IQSEC1: variants seen among roughly 807,000 people sequenced by gnomAD.
IQSEC1 encodes the protein IQ motif and SEC7 domain-containing protein 1.
IQSEC1 carries 31 observed loss-of-function variants against 91.0 expected under a neutral mutation model. The ratio of observed to expected loss-of-function variants is 0.34; its 90% CI spans 0.26 to 0.46. The LOEUF (loss-of-function observed/expected upper bound fraction) is 0.46. IQSEC1 is among the 20% of genes least tolerant of loss of function. The probability of loss-of-function intolerance (pLI) is 1.00; values close to 1 mark genes in which losing one functional copy is unlikely to be tolerated. For missense variants in IQSEC1, 1,388 were observed against 1,575.6 expected (o/e 0.88, Z 2.02); for synonymous variants, 699 against 662.6 (o/e 1.05, Z -0.84).
chr3:13,034,412 G>T (rs1305723284), intron 1 of IQSEC1, among the ~76,000 whole-genome samples: 1 of 152,224 alleles, frequency 6.6e-6, no homozygotes. Flanking sequence ...TTGACCCAGC[G>T]AGAACGTTTC....
chr3:13,109,259 C>A (rs1415680264), intron 2 of IQSEC1, among the ~76,000 whole-genome samples: 1 of 152,182 alleles, frequency 6.6e-6, no homozygotes, highest in Non-Finnish European at 1.5e-5. Context: ...CCCCCCTCCT[C>A]CCTCCCATTC....
intron 1 of IQSEC1, among the ~76,000 whole-genome samples, chr3:13,174,117 G>A (rs1693671964): frequency 6.6e-6 from 1 of 152,188 alleles, no homozygotes; most frequent in South Asian, 2.1e-4. Context: ...CAGGCTCTGG[G>A]TGCTCCTGGG....
intron 1 of IQSEC1, among the ~76,000 whole-genome samples, chr3:13,030,844 CG>C (rs1474566602): frequency 1.3e-5 from 2 of 152,252 alleles, no homozygotes; most frequent in East Asian, 3.8e-4. Flanking sequence ...AGCTGTGCCA[CG>C]CAGGCGTGGG....
At chr3:13,105,408 C>T (rs1706137705) in intron 2 of IQSEC1, among the ~76,000 whole-genome samples, 2 of 152,158 alleles carry the variant, frequency 1.3e-5, no homozygotes, top group African/African-American at 2.4e-5. Context: ...AGACAGATGC[C>T]GCTCAGGGAC....
At chr3:12,987,442 CAGAGAG>C (rs774039983) in intron 1 of IQSEC1, among the ~76,000 whole-genome samples, 1 of 150,506 alleles carries the variant, frequency 6.6e-6, no homozygotes, top group African/African-American at 2.4e-5. Flanking sequence ...GTGCATGTGT[CAGAGAG>C]AGAGAGAGAG....
intron 1 of IQSEC1, among the ~76,000 whole-genome samples, chr3:13,032,729 G>A (rs370145002): frequency 1.8e-4 from 28 of 152,106 alleles, no homozygotes; most frequent in Middle Eastern, 3.4e-3. Context: ...GACTACAGGC[G>A]CCCGCCACCA....
At chr3:13,000,948 C>CTTTT (rs10553726) in intron 1 of IQSEC1, among the ~76,000 whole-genome samples, 6 of 121,922 alleles carry the variant, frequency 4.9e-5, no homozygotes, top group Admixed American at 3.4e-4. Context: ...CCAAGTGAGT[C>CTTTT]TTTTTTTTTT....
At chr3:13,072,931 C>G (rs933668127) in intron 1 of IQSEC1, 61 bp downstream of exon 1, 3 of 1,460,010 alleles carry the variant, frequency 2.1e-6, no homozygotes, top group Non-Finnish European at 1.9e-6. Context: ...ACTCCAGCTC[C>G]CAGCTCAGCC....
At chr3:13,077,955 G>A (rs1705589026), upstream of IQSEC1, among the ~76,000 whole-genome samples, 1 of 152,228 alleles carries the variant, frequency 6.6e-6, no homozygotes, top group Non-Finnish European at 1.5e-5. Flanking sequence ...CACGAGGGCT[G>A]GCATCGGTCC....
intron 2 of IQSEC1, among the ~76,000 whole-genome samples, chr3:13,102,427 T>C (rs1459358796): frequency 2.6e-5 from 4 of 152,012 alleles, no homozygotes; most frequent in Non-Finnish European, 5.9e-5. Flanking sequence ...GGTGGGGGGC[T>C]GGATTAGAGG....
Position 12,903,678 on chromosome 3 carries a change from C to G in IQSEC1, c.2756-856G>C, listed in dbSNP as rs193055021. Among the ~76,000 whole-genome samples the G allele has an allele frequency of 7.1e-3, 1,081 of 152,306 alleles. 21 individuals carry two copies. Among genetic ancestry groups the G allele is most frequent in the African/African-American group, 0.025 (1,028 of 41,570 alleles). On this transcript the variant is annotated intron_variant, in intron 12 of 13. Transcript: ENST00000613206. Reference sequence around the variant, plus strand: ...CTGGCCCCGCCCAGCCTCCACAGTCCCTCCTGAGGACTTCTCCGTGGATTT... The same window carrying G: ...CTGGCCCCGCCCAGCCTCCACAGTCGCTCCTGAGGACTTCTCCGTGGATTT...
intron 1 of IQSEC1, among the ~76,000 whole-genome samples, chr3:13,063,164 C>A (rs1379881608): frequency 1.3e-5 from 2 of 152,216 alleles, no homozygotes; most frequent in Non-Finnish European, 2.9e-5. Flanking sequence ...CGACACCACG[C>A]CCAGCCTGGC....
At chr3:13,062,535 G>C (rs1705099853) in intron 1 of IQSEC1, among the ~76,000 whole-genome samples, 1 of 152,074 alleles carries the variant, frequency 6.6e-6, no homozygotes, top group Admixed American at 6.5e-5. Flanking sequence ...ACAGAGAAAG[G>C]TCTTGATTAC....
chr3:12,932,682 TC>T (rs1254647533), intron 3 of IQSEC1, among the ~76,000 whole-genome samples: 7 of 152,186 alleles, frequency 4.6e-5, no homozygotes. Context: ...ACAAACATGT[TC>T]CGGGTGCAGG....
Position 12,940,542 on chromosome 3 carries a change from G to A in IQSEC1, c.318+1029C>T, listed in dbSNP as rs1332991284. 6.6e-6 allele frequency among the ~76,000 whole-genome samples: 1 copy of A among 152,004 alleles called. No individual in the cohort carries two copies. Among genetic ancestry groups the A allele is most frequent in the East Asian group, 1.9e-4 (1 of 5,166 alleles). On this transcript the variant is annotated intron_variant, in intron 2 of 13. Transcript: ENST00000613206. The surrounding 1 kb of genome is among the most constrained non-coding windows in gnomAD (Gnocchi z 4.4). ...GCTTCTGCAGCATGGAGTCTGGGAA[G>A]ACGGGAAAGGGCCCTGGGGCCAGCA... is the stretch of plus-strand genomic sequence containing the variant.
chr3:13,162,542 G>A (rs1299576687), intron 2 of IQSEC1, among the ~76,000 whole-genome samples: 2 of 152,172 alleles, frequency 1.3e-5, no homozygotes, highest in Admixed American at 6.5e-5. Flanking sequence ...GAAGCATACA[G>A]GCACTGGAGG....
chr3:13,234,420 G>C (rs1402176172), intron 1 of IQSEC1, among the ~76,000 whole-genome samples: 1 of 152,208 alleles, frequency 6.6e-6, no homozygotes, highest in Non-Finnish European at 1.5e-5. Context: ...CAAGACAATG[G>C]TTTAAGCTAC....
chr3:13,116,984 G>A (rs1198710340), intron 2 of IQSEC1, among the ~76,000 whole-genome samples: 2 of 151,640 alleles, frequency 1.3e-5, no homozygotes, highest in African/African-American at 4.8e-5. Flanking sequence ...TGGATAAATT[G>A]GGCTTCATCA....
intron 1 of IQSEC1, among the ~76,000 whole-genome samples, chr3:13,278,433 G>T (rs1317040389): frequency 6.6e-6 from 1 of 152,208 alleles, no homozygotes; most frequent in East Asian, 1.9e-4. Flanking sequence ...TCCCATCTGG[G>T]CTTTCTCCAG....
Sources: allele counts gnomAD v4.1 joint callset (sites outside exome capture counted in the v4.1 genomes callset), GRCh38; gene constraint gnomAD v4.1.1; non-coding constraint Gnocchi (gnomAD v3.1); transcripts MANE v1.5; gene names NCBI Gene and HGNC (gene_info 2026-07-23, HGNC 2026-07-21).